The following MGLL variants were observed in gnomAD, a reference collection of about 807,000 sequenced individuals.
MGLL encodes the protein lysophospholipase homolog.
Under a neutral mutation model 29.1 loss-of-function variants are expected in MGLL, and 7 were observed. The observed-to-expected ratio is 0.24, with a 90% CI of 0.14 to 0.45. The LOEUF (loss-of-function observed/expected upper bound fraction) is 0.45, where lower values mean the gene tolerates loss of function less well. Among genes scored for constraint, MGLL ranks in the 20% least tolerant of loss-of-function variants. The pLI, the probability that MGLL is intolerant of heterozygous loss-of-function variation, is 0.99. For missense variants in MGLL, 356 were observed against 413.6 expected (o/e 0.86, Z 1.21); for synonymous variants, 148 against 168.3 (o/e 0.88, Z 0.93).
chr3:127,823,164 G>A (rs1184254501), upstream of MGLL: 1 of 151,708 alleles, frequency 6.6e-6, no homozygotes, highest in Non-Finnish European at 1.5e-5. Context: ...GACGAGCTGC[G>A]CGCGACCGGC....
chr3:127,753,149 G>A (rs544168229), intron 3 of MGLL, among the ~76,000 whole-genome samples: 4 of 152,312 alleles, frequency 2.6e-5, no homozygotes, highest in East Asian at 3.9e-4. Flanking sequence ...AAGAAAACAA[G>A]AAGCCAGAAG....
At position 127,752,140 on chromosome 3, in the gene MGLL, T is replaced by C. The variant is rs968396243; in HGVS notation, c.263-29574A>G. On this transcript the variant is annotated intron_variant, in intron 3 of 7. Transcript: ENST00000265052. ...TAGACGGAGTTTCACTCTTCTTGCC[T>C]AGGCTGGGGTGCAATGGCCAGTGTC... is the stretch of plus-strand genomic sequence containing the variant. 2.0e-5 allele frequency among the ~76,000 whole-genome samples: 3 copies of C among 151,922 alleles called. 1 individual carries two copies. Among genetic ancestry groups the C allele is most frequent in the Admixed American group, 2.0e-4 (3 of 15,248 alleles).
intron 2 of MGLL, among the ~76,000 whole-genome samples, chr3:127,812,800 T>C (rs1237765836): frequency 6.6e-6 from 1 of 152,166 alleles, no homozygotes; most frequent in African/African-American, 2.4e-5. Context: ...ATTTTAAAGA[T>C]GAGAAAACTG....
intron 3 of MGLL, among the ~76,000 whole-genome samples, chr3:127,770,781 G>A (rs2076935475): frequency 6.6e-6 from 1 of 152,228 alleles, no homozygotes; most frequent in African/African-American, 2.4e-5. Context: ...CAAGGTCAGA[G>A]GATCAGTGAC....
intron 3 of MGLL, among the ~76,000 whole-genome samples, chr3:127,763,024 A>G (rs1372947472): frequency 1.3e-5 from 2 of 152,122 alleles, no homozygotes; most frequent in African/African-American, 4.8e-5. Context: ...TGTGTGCTGG[A>G]TCACAGTGTG....
At chr3:127,750,109 A>G (rs1206531116) in intron 3 of MGLL, among the ~76,000 whole-genome samples, 1 of 152,140 alleles carries the variant, frequency 6.6e-6, no homozygotes, top group Non-Finnish European at 1.5e-5. Flanking sequence ...CCATGGTCTC[A>G]TCTGGGCTGA....
chr3:127,706,880 C>G (rs902544922), intron 6 of MGLL, among the ~76,000 whole-genome samples: 1 of 152,152 alleles, frequency 6.6e-6, no homozygotes, highest in Non-Finnish European at 1.5e-5. Flanking sequence ...ACGCTTAAGT[C>G]GAAGGCCTCA....
chr3:127,777,157 C>T (rs2077050647), intron 3 of MGLL, among the ~76,000 whole-genome samples: 2 of 152,182 alleles, frequency 1.3e-5, no homozygotes, highest in South Asian at 4.2e-4. Context: ...GGAACTTCAA[C>T]CAATGCTTAT....
intron 2 of MGLL, among the ~76,000 whole-genome samples, chr3:127,820,561 T>C (rs1340927917): frequency 6.6e-6 from 1 of 152,228 alleles, no homozygotes; most frequent in Non-Finnish European, 1.5e-5. Context: ...CACTAATCTG[T>C]TAGAAATTAA....
chr3:127,771,499 G>C (rs2076947886), intron 3 of MGLL, among the ~76,000 whole-genome samples: 2 of 152,126 alleles, frequency 1.3e-5, no homozygotes, highest in African/African-American at 4.8e-5. Context: ...TGAGATCATA[G>C]GCATGCACCT....
At chr3:127,729,134 T>G (rs1437016539) in intron 3 of MGLL, among the ~76,000 whole-genome samples, 1 of 152,176 alleles carries the variant, frequency 6.6e-6, no homozygotes, top group Admixed American at 6.6e-5. Context: ...TTTTGGTTTC[T>G]TTTGAGATTC....
intron 3 of MGLL, among the ~76,000 whole-genome samples, chr3:127,758,832 C>G (rs1312294638): frequency 1.3e-5 from 2 of 151,832 alleles, no homozygotes; most frequent in African/African-American, 4.8e-5. Context: ...AGTGCACTGG[C>G]TGTAAGTTGT....
Position 127,822,302 on chromosome 3 carries a change from G to A in MGLL, c.10+7C>T, listed in dbSNP as rs1400692990. 1 of 1,612,974 alleles carries A rather than the reference G, an allele frequency of 6.2e-7. No homozygotes were observed. Among genetic ancestry groups the A allele is most frequent in the Admixed American group, 1.7e-5 (1 of 60,034 alleles). On this transcript the variant is annotated splice_region_variant and intron_variant, in intron 1 of 7. Transcript: ENST00000265052. Reference sequence around the variant, plus strand: ...CCCATCTGAAATTCCAAGGATACATGACAAACCTGTTTCCATTATGTGCTG... The same window carrying A: ...CCCATCTGAAATTCCAAGGATACATAACAAACCTGTTTCCATTATGTGCTG...
chr3:127,809,236 C>T (rs910215886), intron 2 of MGLL, among the ~76,000 whole-genome samples: 10 of 152,264 alleles, frequency 6.6e-5, no homozygotes, highest in East Asian at 1.9e-4. Context: ...CCTCCAGAAA[C>T]GTCTTCTGTG....
intron 6 of MGLL, among the ~76,000 whole-genome samples, chr3:127,702,368 G>A (rs1415199386): frequency 2.0e-5 from 3 of 152,184 alleles, no homozygotes; most frequent in African/African-American, 7.2e-5. Flanking sequence ...AAGCTTCCCC[G>A]GCTCGATAGA....
intron 3 of MGLL, among the ~76,000 whole-genome samples, chr3:127,779,380 G>A (rs2077086723): frequency 6.6e-6 from 1 of 151,880 alleles, no homozygotes; most frequent in Non-Finnish European, 1.5e-5. Context: ...AAAATAAAAA[G>A]TAAAAAAATA....
At chr3:127,693,605 C>T (rs1462279824) in intron 7 of MGLL, among the ~76,000 whole-genome samples, 1 of 152,148 alleles carries the variant, frequency 6.6e-6, no homozygotes, top group Non-Finnish European at 1.5e-5. Context: ...GACTGCAGGC[C>T]TGGCTGTCCC....
At chr3:127,818,729 G>A (rs1306433005) in intron 2 of MGLL, among the ~76,000 whole-genome samples, 1 of 152,160 alleles carries the variant, frequency 6.6e-6, no homozygotes, top group African/African-American at 2.4e-5. Context: ...ACTACTGCCA[G>A]CAGGGTCATT....
chr3:127,727,811 TC>T (rs899232490), intron 3 of MGLL, among the ~76,000 whole-genome samples: 9 of 151,686 alleles, frequency 5.9e-5, no homozygotes, highest in African/African-American at 2.2e-4. Flanking sequence ...ACACTGAAAA[TC>T]TTGGTTCCTA....
Sources: allele counts gnomAD v4.1 joint callset (sites outside exome capture counted in the v4.1 genomes callset), GRCh38; gene constraint gnomAD v4.1.1; transcripts MANE v1.5; gene names NCBI Gene and HGNC (gene_info 2026-07-23, HGNC 2026-07-21).